SMYD3: variants seen among roughly 807,000 people sequenced by gnomAD.
The protein encoded by SMYD3 is histone-lysine N-methyltransferase SMYD3.
In SMYD3, 36 loss-of-function variants were observed where a neutral mutation model predicts 57.7. The ratio of observed to expected loss-of-function variants is 0.62; its 90% CI spans 0.48 to 0.82. SMYD3 has a LOEUF of 0.82. Among genes scored for constraint, SMYD3 ranks in the 40% least tolerant of loss-of-function variants. SMYD3 has a pLI of 0.00. For missense variants in SMYD3, 515 were observed against 538.8 expected, an observed-to-expected ratio of 0.96 and a Z score of 0.44; for synonymous variants, 211 against 195.0, an observed-to-expected ratio of 1.08 and a Z score of -0.68.
At chr1:246,426,829 A>C (rs2067226230) in intron 1 of SMYD3, among the ~76,000 whole-genome samples, 1 of 152,188 alleles carries the variant, frequency 6.6e-6, no homozygotes, top group African/African-American at 2.4e-5. Context: ...ACCATATTAC[A>C]TTAACTAGAA....
At chr1:246,068,843 A>C (rs1454565708) in intron 5 of SMYD3, among the ~76,000 whole-genome samples, 1 of 152,192 alleles carries the variant, frequency 6.6e-6, no homozygotes, top group Admixed American at 6.5e-5. Context: ...AAAGCCATCA[A>C]TCCAGAATTA....
intron 5 of SMYD3, among the ~76,000 whole-genome samples, chr1:246,228,777 C>A (rs2063368084): frequency 6.6e-6 from 1 of 152,032 alleles, no homozygotes; most frequent in East Asian, 1.9e-4. Flanking sequence ...AAAAATTAAA[C>A]CTCCATCATC....
At chr1:246,082,993 A>T (rs1436044730) in intron 5 of SMYD3, among the ~76,000 whole-genome samples, 2 of 146,900 alleles carry the variant, frequency 1.4e-5, no homozygotes, top group African/African-American at 5.3e-5. Flanking sequence ...GGCTGCAGGG[A>T]CCTCTGCCTA....
chr1:246,424,923 A>G (rs2067196564), intron 1 of SMYD3, among the ~76,000 whole-genome samples: 1 of 152,236 alleles, frequency 6.6e-6, no homozygotes. Flanking sequence ...ATGTAATTAT[A>G]CTTTATATAA....
chr1:246,074,236 G>T (rs1346076461), intron 5 of SMYD3, among the ~76,000 whole-genome samples: 2 of 151,938 alleles, frequency 1.3e-5, no homozygotes, highest in Non-Finnish European at 2.9e-5. Flanking sequence ...AAATTAATAA[G>T]CAGTCTGCAG....
intron 7 of SMYD3, among the ~76,000 whole-genome samples, chr1:245,925,733 G>A (rs1276156456): frequency 6.6e-6 from 1 of 152,148 alleles, no homozygotes; most frequent in Non-Finnish European, 1.5e-5. Flanking sequence ...AGTGCTAAGA[G>A]ATACAGAAAT....
rs1414768244 is a variant in SMYD3, at chr1:246,372,803, A to G, written c.165-17709T>C. Among the ~76,000 whole-genome samples, 7 of 152,214 alleles carry G rather than the reference A, an allele frequency of 4.6e-5. No individual in the cohort carries two copies. The East Asian group carries it at 1.2e-3, about 25-fold the overall frequency. ...GTCAGGAGAGAGGAGAAAATGCAGT[A>G]TAACAAAAAGGGAGTTAGAATGTAT... On this transcript the variant is annotated intron_variant, in intron 1 of 11. Transcript: ENST00000490107.
chr1:246,166,474 G>T (rs992920563), intron 5 of SMYD3, among the ~76,000 whole-genome samples: 2 of 152,220 alleles, frequency 1.3e-5, no homozygotes, highest in East Asian at 1.9e-4. Flanking sequence ...TTAGCTGTTG[G>T]CGTCACCAAA....
At chr1:246,270,272 A>C (rs1320211070) in intron 5 of SMYD3, among the ~76,000 whole-genome samples, 1 of 152,198 alleles carries the variant, frequency 6.6e-6, no homozygotes, top group Non-Finnish European at 1.5e-5. Flanking sequence ...ATGCATCCAA[A>C]ATCCTCCTAG....
chr1:246,220,382 C>A (rs189456955), intron 5 of SMYD3, among the ~76,000 whole-genome samples: 1 of 149,732 alleles, frequency 6.7e-6, no homozygotes, highest in African/African-American at 2.5e-5. Flanking sequence ...CAAACCATGG[C>A]TGCAGACCTG....
intron 5 of SMYD3, among the ~76,000 whole-genome samples, chr1:246,167,094 G>A (rs1010590284): frequency 1.3e-5 from 2 of 152,184 alleles, no homozygotes; most frequent in African/African-American, 4.8e-5. Flanking sequence ...GGGTTCACCC[G>A]TGCTGGAGCA....
At position 246,215,132 on chromosome 1, in the gene SMYD3, G is replaced by A. The variant is rs562806632; in HGVS notation, c.531+112069C>T. Among the ~76,000 whole-genome samples, 48 of 152,162 alleles carry A rather than the reference G, an allele frequency of 3.2e-4. No homozygotes were observed. The South Asian group carries it at 8.1e-3, about 26-fold the overall frequency. ...GATTCTAATCTGCACAGTTGCTGGC[G>A]GCTAGATATGCCTAAAGAGGATGTG... On this transcript the variant is annotated intron_variant, in intron 5 of 11. Coordinates refer to ENST00000490107, the MANE Select transcript of SMYD3 (RefSeq NM_001167740.2).
intron 8 of SMYD3, among the ~76,000 whole-genome samples, chr1:245,894,065 G>A (rs1472952646): frequency 6.6e-6 from 1 of 152,204 alleles, no homozygotes; most frequent in Non-Finnish European, 1.5e-5. Context: ...GAGAGGTGAA[G>A]CCAGCTGGAC....
Position 245,965,782 on chromosome 1 carries a change from A to C in SMYD3, c.532-35845T>G, listed in dbSNP as rs577466952. ...GAAAGATTTTGGGGGCAGTGAAAAA[A>C]GTCTGTATGACGCTCTAACAGTGAA... On this transcript the variant is annotated intron_variant, in intron 5 of 11. Coordinates refer to ENST00000490107, the MANE Select transcript of SMYD3 (RefSeq NM_001167740.2). Among the ~76,000 whole-genome samples the C allele has an allele frequency of 5.9e-5, 9 of 152,314 alleles. No homozygotes were observed. The East Asian group carries it at 1.4e-3, about 23-fold the overall frequency.
At chr1:245,838,943 C>T (rs2050244310) in intron 10 of SMYD3, among the ~76,000 whole-genome samples, 1 of 152,146 alleles carries the variant, frequency 6.6e-6, no homozygotes, top group Admixed American at 6.5e-5. Flanking sequence ...TCAGAATGTC[C>T]TCTGAATCCT....
At chr1:245,803,465 C>G (rs115035445) in intron 10 of SMYD3, among the ~76,000 whole-genome samples, 2,077 of 152,250 alleles carry the variant, frequency 0.014, 58 homozygotes, top group African/African-American at 0.048. Flanking sequence ...TGGTGACTGT[C>G]AACAGTTTCA....
At chr1:246,125,671 C>T (rs1375719150) in intron 5 of SMYD3, among the ~76,000 whole-genome samples, 3 of 151,880 alleles carry the variant, frequency 2.0e-5, no homozygotes, top group Non-Finnish European at 4.4e-5. Flanking sequence ...TAATAAAAGA[C>T]CCTTTGGTAA....
chr1:246,398,689 G>C (rs1247579758), intron 1 of SMYD3, among the ~76,000 whole-genome samples: 1 of 152,174 alleles, frequency 6.6e-6, no homozygotes, highest in Non-Finnish European at 1.5e-5. Context: ...GAGACACTGG[G>C]GCTCAGGTTA....
intron 6 of SMYD3, 75 bp downstream of exon 6, chr1:245,929,795 C>G: frequency 8.3e-7 from 1 of 1,207,456 alleles, no homozygotes; most frequent in Middle Eastern, 1.9e-4. Flanking sequence ...GCCTTTCTAA[C>G]TACCTCCAAA....
Sources: allele counts gnomAD v4.1 joint callset (sites outside exome capture counted in the v4.1 genomes callset), GRCh38; gene constraint gnomAD v4.1.1; transcripts MANE v1.5; gene names NCBI Gene and HGNC (gene_info 2026-07-23, HGNC 2026-07-21).